EXPH5: variants seen among roughly 807,000 people sequenced by gnomAD.
EXPH5 encodes the protein exophilin-5.
EXPH5 carries 42 observed loss-of-function variants against 41.1 expected under a neutral mutation model. The observed-to-expected ratio is 1.02, with a 90% CI of 0.80 to 1.32. The LOEUF is 1.32. Ranked by LOEUF, EXPH5 falls within the 40% of genes most tolerant of loss-of-function variation. The pLI, the probability that EXPH5 is intolerant of heterozygous loss-of-function variation, is 0.00. For synonymous variants in EXPH5, 798 were observed against 833.5 expected, an observed-to-expected ratio of 0.96 and a Z score of 0.73; for missense variants, 2,298 against 2,314.5, an observed-to-expected ratio of 0.99 and a Z score of 0.15.
At chr11:108,526,375 G>A (rs962934807) in intron 4 of EXPH5, among the ~76,000 whole-genome samples, 3 of 152,210 alleles carry the variant, frequency 2.0e-5, no homozygotes, top group Admixed American at 6.5e-5. Context: ...AAAGTAAGAT[G>A]TCTATTAATC....
intron 3 of EXPH5, among the ~76,000 whole-genome samples, chr11:108,538,616 C>G (rs554447255): frequency 6.6e-6 from 1 of 152,254 alleles, no homozygotes; most frequent in African/African-American, 2.4e-5. Flanking sequence ...AGTCGTTACC[C>G]CAACTCTCCT....
At chr11:108,603,078 G>A in the EXPH5 span, among the ~76,000 whole-genome samples, 5 of 152,166 alleles carry the variant, frequency 3.3e-5, no homozygotes, top group African/African-American at 1.2e-4. Flanking sequence ...CTGCCACCAT[G>A]TGAAAAAGAC....
chr11:108,576,885 C>A (rs1213258409), intron 1 of EXPH5, among the ~76,000 whole-genome samples: 3 of 152,178 alleles, frequency 2.0e-5, no homozygotes, highest in African/African-American at 7.2e-5. Flanking sequence ...ATCCTCCCTT[C>A]CCCACTACCT....
At chr11:108,607,191 A>T in the EXPH5 span, among the ~76,000 whole-genome samples, 15 of 152,260 alleles carry the variant, frequency 9.9e-5, no homozygotes. Context: ...TTTCACTCAC[A>T]TGCCTTGAAA....
the EXPH5 span, among the ~76,000 whole-genome samples, chr11:108,605,747 C>T: frequency 6.6e-6 from 1 of 152,170 alleles, no homozygotes; most frequent in Admixed American, 6.5e-5. Flanking sequence ...GCTTGCCATG[C>T]CTACTGTATA....
chr11:108,587,676 C>T (rs910567000), intron 1 of EXPH5, among the ~76,000 whole-genome samples: 1 of 152,264 alleles, frequency 6.6e-6, no homozygotes, highest in Admixed American at 6.5e-5. Flanking sequence ...ATTTTACCTT[C>T]GTAACGGACA....
In EXPH5 at chr11:108,532,366, A is replaced by ATTT. The variant is rs1168217383; in HGVS notation, c.444-4185_444-4183dup. Among the ~76,000 whole-genome samples, 16 of 32,134 alleles carry ATTT rather than the reference A, an allele frequency of 5.0e-4. 1 individual carries two copies. Among genetic ancestry groups the ATTT allele is most frequent in the African/African-American group, 2.6e-3 (13 of 4,938 alleles). 21.1% of individuals were successfully genotyped at this position (32,134 alleles called of 152,430 possible). On this transcript the variant is annotated intron_variant, in intron 3 of 5. Coordinates refer to ENST00000265843, the MANE Select transcript of EXPH5 (RefSeq NM_015065.3). Reference sequence around the variant, plus strand: ...TATATATATATATATATATATATATATTTTTTTTTTTTTTTTTTTTTTTTT... The same window carrying ATTT: ...TATATATATATATATATATATATATATTTTTTTTTTTTTTTTTTTTTTTTTTTT...
chr11:108,564,490 C>G (rs1010540304), intron 1 of EXPH5, among the ~76,000 whole-genome samples: 2 of 152,084 alleles, frequency 1.3e-5, no homozygotes, highest in African/African-American at 4.8e-5. Flanking sequence ...AGTATTCCAC[C>G]ACTGCATCTC....
At chr11:108,553,917 G>A (rs12280686) in intron 1 of EXPH5, among the ~76,000 whole-genome samples, 9,001 of 152,208 alleles carry the variant, frequency 0.059, 862 homozygotes, top group African/African-American at 0.2. Context: ...CCCTGGGCCA[G>A]GCACGTTACA....
chr11:108,593,733 T>C lies in EXPH5; in HGVS notation c.-197A>G. ...TCATATTGACAATACCTTAATGACA[T>C]GTTTCTCTCAACCTGTCCAACCGAG... On this transcript the variant is annotated 5_prime_UTR_variant, in exon 1 of 6. The change abolishes an upstream ATG in the 5' untranslated region. Transcript: ENST00000265843. The C allele has an allele frequency of 6.5e-7, 1 of 1,537,192 alleles. No homozygotes were observed. Among genetic ancestry groups the C allele is most frequent in the Non-Finnish European group, 8.7e-7 (1 of 1,147,078 alleles).
chr11:108,530,536 G>A (rs566257346), intron 3 of EXPH5, among the ~76,000 whole-genome samples: 7 of 152,142 alleles, frequency 4.6e-5, no homozygotes, highest in African/African-American at 1.7e-4. Context: ...GGCACAGCAA[G>A]GGAGGCCGGG....
At position 108,511,759 on chromosome 11, in the gene EXPH5, C is replaced by A. The variant is rs1456201737; in HGVS notation, c.3748G>T (p.Val1250Phe). The A allele has an allele frequency of 1.2e-6, 2 of 1,612,078 alleles. No individual in the cohort carries two copies. Among genetic ancestry groups the A allele is most frequent in the Middle Eastern group, 1.7e-4 (1 of 6,046 alleles). ...DEDNVKCLEV[V>F]SIYYTLPRKP... ...CTCGGTAGAGTGTAATATATTGAGA[C>A]CACCTCCAGACATTTTACATTATCT... Residue 1250 changes from valine (V) to phenylalanine (F), a missense_variant, in exon 6 of 6, where the codon GTC becomes TTC. Coordinates refer to ENST00000265843, the MANE Select transcript of EXPH5 (RefSeq NM_015065.3).
At chr11:108,538,263 C>G (rs1346569397) in intron 3 of EXPH5, 4 of 985,208 alleles carry the variant, frequency 4.1e-6, no homozygotes, top group African/African-American at 1.7e-5. Context: ...ACGTGCCAAG[C>G]CAACACCTTA....
chr11:108,534,041 C>A (rs1318309909), intron 3 of EXPH5, among the ~76,000 whole-genome samples: 1 of 152,046 alleles, frequency 6.6e-6, no homozygotes, highest in Non-Finnish European at 1.5e-5. Flanking sequence ...GTGAGTCTCC[C>A]GCCTCAGCCT....
intron 1 of EXPH5, among the ~76,000 whole-genome samples, chr11:108,592,716 T>A (rs1015620576): frequency 1.3e-5 from 2 of 152,116 alleles, no homozygotes; most frequent in African/African-American, 4.8e-5. Flanking sequence ...TATAGTAAGG[T>A]CAAGGATGAA....
At position 108,510,919 on chromosome 11, in the gene EXPH5, A is replaced by G. The variant is rs2093675688; in HGVS notation, c.4588T>C (p.Leu1530=). The change falls in exon 6 of 6, where the codon TTA becomes CTA. Residue 1530 remains leucine (L), a synonymous_variant. Coordinates refer to ENST00000265843, the MANE Select transcript of EXPH5 (RefSeq NM_015065.3). The part of the protein sequence containing the change: ...GEETQSDEPN[L]ESLQSEPREL... ...CTTGGTTCAGACTGCAGACTCTCTA[A>G]GTTTGGTTCATCTGACTGAGTCTCC... is the stretch of plus-strand genomic sequence containing the variant. 7.4e-6 allele frequency: 12 copies of G among 1,614,078 alleles called. No homozygotes were observed. Among genetic ancestry groups the G allele is most frequent in the Non-Finnish European group, 9.3e-6 (11 of 1,180,008 alleles).
At position 108,511,465 on chromosome 11, in the gene EXPH5, C is replaced by A; in HGVS notation, c.4042G>T (p.Ala1348Ser). 6.3e-7 allele frequency: 1 copy of A among 1,580,674 alleles called. No homozygotes were observed. The highest frequency in any genetic ancestry group is 8.6e-7 in the Non-Finnish European group (1 of 1,168,718). Residue 1348 changes from alanine to serine, a missense_variant, in exon 6 of 6, where the codon GCT (alanine) becomes TCT (serine). Ala to Ser is a moderately conservative substitution (Grantham distance 99). Coordinates refer to ENST00000265843, the MANE Select transcript of EXPH5 (RefSeq NM_015065.3). ...GPLAPTLQEM[A>S]SVEAAVSLPE... ...AGAGAAACAGCTGCCTCAACAGAAGCCATTTCCTGTAATGTAGGAGCTAGG... is the reference window on the plus strand; with the variant it reads ...AGAGAAACAGCTGCCTCAACAGAAGACATTTCCTGTAATGTAGGAGCTAGG...
At chr11:108,573,127 GGAAGGAAA>G (rs1228903675) in intron 1 of EXPH5, among the ~76,000 whole-genome samples, 9 of 92,940 alleles carry the variant, frequency 9.7e-5, no homozygotes, top group African/African-American at 3.3e-4. Flanking sequence ...AAGAAAAGAA[GGAAGGAAA>G]GAAGGAAAGA....
At chr11:108,550,134 C>T (rs560896306) in intron 1 of EXPH5, among the ~76,000 whole-genome samples, 12 of 152,344 alleles carry the variant, frequency 7.9e-5, no homozygotes, top group African/African-American at 2.9e-4. Flanking sequence ...CAGACTTGCA[C>T]TTGCTAAGAC....
Sources: gnomAD v4.1 joint callset for allele counts (sites outside exome capture counted in the v4.1 genomes callset) on GRCh38, gnomAD v4.1.1 for gene constraint, MANE v1.5 for transcripts, NCBI Gene and HGNC (gene_info 2026-07-23, HGNC 2026-07-21) for gene names.